The following SCHIP1 variants were observed in gnomAD, a reference collection of about 807,000 sequenced individuals.
SCHIP1 encodes the protein schwannomin-interacting protein 1.
A neutral mutation model predicts 29.7 loss-of-function variants in SCHIP1; 8 were observed. The ratio of observed to expected loss-of-function variants is 0.27; its 90% CI spans 0.16 to 0.49. SCHIP1 has a LOEUF of 0.49. Ranked by LOEUF, SCHIP1 falls within the 20% of genes least tolerant of loss-of-function variation. SCHIP1 has a pLI of 0.99. For missense variants in SCHIP1, 193 were observed against 294.6 expected (o/e 0.66, Z 2.52); for synonymous variants, 76 against 94.9 (o/e 0.80, Z 1.16).
At chr3:159,887,621 A>T (rs1717092543) in intron 3 of SCHIP1, 87 bp from the exon 5 acceptor site, 2 of 1,458,634 alleles carry the variant, frequency 1.4e-6, no homozygotes, top group South Asian at 1.2e-5. Flanking sequence ...GCTCTGAGAG[A>T]AGGCTCAGAG....
At chr3:159,675,460 T>A in the SCHIP1 span, among the ~76,000 whole-genome samples, 1 of 152,252 alleles carries the variant, frequency 6.6e-6, no homozygotes, top group African/African-American at 2.4e-5. Flanking sequence ...TCATGGTCTT[T>A]GTTTTTCACA....
the SCHIP1 span, chr3:159,273,900 T>A: frequency 6.2e-7 from 1 of 1,612,914 alleles, no homozygotes; most frequent in Non-Finnish European, 8.5e-7. Context: ...TTTACAAATG[T>A]CTACCATCTA....
At chr3:159,313,765 A>G in the SCHIP1 span, among the ~76,000 whole-genome samples, 236 of 152,184 alleles carry the variant, frequency 1.6e-3, no homozygotes, top group African/African-American at 5.3e-3. Context: ...TCCCACATTA[A>G]ATTCTGTTGG....
At chr3:159,639,943 C>T in the SCHIP1 span, among the ~76,000 whole-genome samples, 1 of 152,140 alleles carries the variant, frequency 6.6e-6, no homozygotes, top group African/African-American at 2.4e-5. Flanking sequence ...CAGAAAAGAA[C>T]AGATATTAAA....
the SCHIP1 span, among the ~76,000 whole-genome samples, chr3:159,353,516 A>G: frequency 6.6e-6 from 1 of 152,136 alleles, no homozygotes; most frequent in Admixed American, 6.6e-5. Flanking sequence ...AAGTTATACC[A>G]CAAGGCATGA....
chr3:159,394,228 G>T, the SCHIP1 span, among the ~76,000 whole-genome samples: 2 of 150,584 alleles, frequency 1.3e-5, no homozygotes, highest in Non-Finnish European at 3.0e-5. Context: ...AGACAATGGG[G>T]TTTTCTAGAT....
the SCHIP1 span, among the ~76,000 whole-genome samples, chr3:159,427,550 C>T: frequency 6.6e-6 from 1 of 152,234 alleles, no homozygotes; most frequent in Non-Finnish European, 1.5e-5. Context: ...TTAGAGAATA[C>T]AAACAAATGG....
chr3:159,352,660 T>C, the SCHIP1 span, among the ~76,000 whole-genome samples: 1 of 152,180 alleles, frequency 6.6e-6, no homozygotes, highest in African/African-American at 2.4e-5. Flanking sequence ...TCTCTCATGC[T>C]ACTCTTTGTA....
intron 2 of SCHIP1, among the ~76,000 whole-genome samples, chr3:159,882,372 C>T (rs1716532865): frequency 6.6e-6 from 1 of 152,164 alleles, no homozygotes; most frequent in African/African-American, 2.4e-5. Context: ...GAATCTTGAA[C>T]ATTTATACGT....
At chr3:159,356,285 T>C in the SCHIP1 span, among the ~76,000 whole-genome samples, 6 of 152,228 alleles carry the variant, frequency 3.9e-5, no homozygotes, top group African/African-American at 1.4e-4. Context: ...ACCTTGAATA[T>C]ACTATTTTAG....
chr3:159,592,764 C>A, the SCHIP1 span, among the ~76,000 whole-genome samples: 2 of 152,088 alleles, frequency 1.3e-5, no homozygotes, highest in Admixed American at 1.3e-4. Context: ...GGCCTGTTGT[C>A]CTTGTGCAAT....
the SCHIP1 span, among the ~76,000 whole-genome samples, chr3:159,752,498 C>T: frequency 3.3e-5 from 5 of 152,080 alleles, no homozygotes; most frequent in African/African-American, 1.2e-4. Context: ...TTAATTGGCT[C>T]ACAGTTCTGC....
At chr3:159,731,165 C>T in the SCHIP1 span, among the ~76,000 whole-genome samples, 2 of 152,182 alleles carry the variant, frequency 1.3e-5, no homozygotes, top group Non-Finnish European at 2.9e-5. Flanking sequence ...ACCTGGCAGA[C>T]GTCAAAGCAT....
the SCHIP1 span, among the ~76,000 whole-genome samples, chr3:159,489,012 G>GTTGAGCTAACGTAATGTTTT: frequency 1.3e-5 from 2 of 152,142 alleles, no homozygotes; most frequent in Non-Finnish European, 2.9e-5. Context: ...ATTCATAAGT[G>GTTGAGCTAACGTAATGTTTT]TTGAGCTAAC....
the SCHIP1 span, among the ~76,000 whole-genome samples, chr3:159,279,661 C>T: frequency 5.6e-3 from 811 of 145,522 alleles, 7 homozygotes; most frequent in Non-Finnish European, 9.4e-3. Context: ...TTACTGCAGC[C>T]TTGACCATTG....
At chr3:159,363,176 C>A in the SCHIP1 span, among the ~76,000 whole-genome samples, 1 of 152,090 alleles carries the variant, frequency 6.6e-6, no homozygotes, top group Non-Finnish European at 1.5e-5. Flanking sequence ...AAGAAACAGA[C>A]ACAATAGAAT....
At chr3:159,471,617 C>T in the SCHIP1 span, among the ~76,000 whole-genome samples, 2 of 151,436 alleles carry the variant, frequency 1.3e-5, no homozygotes, top group Non-Finnish European at 3.0e-5. Context: ...GAAATAAAAA[C>T]AATGAGAAGA....
At chr3:159,711,211 A>AAAAATGTTTTCCACCAAGCTTCGGGTAGG in the SCHIP1 span, among the ~76,000 whole-genome samples, 6 of 129,894 alleles carry the variant, frequency 4.6e-5, no homozygotes, top group African/African-American at 1.6e-4. Flanking sequence ...AATTTAAAAA[A>AAAAATGTTTTCCACCAAGCTTCGGGTAGG]TTAGCCGGGC....
chr3:159,666,699 G>C, the SCHIP1 span, among the ~76,000 whole-genome samples: 1 of 152,144 alleles, frequency 6.6e-6, no homozygotes, highest in East Asian at 1.9e-4. Flanking sequence ...ATAATTCATA[G>C]GTAATAGATA....
Sources: gnomAD v4.1 joint callset for allele counts (sites outside exome capture counted in the v4.1 genomes callset) on GRCh38, gnomAD v4.1.1 for gene constraint, MANE v1.5 for transcripts, NCBI Gene and HGNC (gene_info 2026-07-23, HGNC 2026-07-21) for gene names.